TPO: variants seen among roughly 807,000 people sequenced by gnomAD.
TPO encodes the protein thyroid peroxidase.
Under a neutral mutation model 96.9 loss-of-function variants are expected in TPO, and 78 were observed. The observed-to-expected ratio is 0.81, with a 90% confidence interval of 0.67 to 0.97. TPO has a LOEUF of 0.97. Ranked by LOEUF, TPO falls within the 50% of genes least tolerant of loss-of-function variation. TPO has a pLI of 0.00. For missense variants in TPO, 1,252 were observed against 1,274.8 expected (o/e 0.98, Z 0.27); for synonymous variants, 547 against 538.0 (o/e 1.02, Z -0.23).
chr2:1,501,654 T>C (rs1290364949), intron 13 of TPO, among the ~76,000 whole-genome samples: 1 of 152,132 alleles, frequency 6.6e-6, no homozygotes, highest in Non-Finnish European at 1.5e-5. Flanking sequence ...TGCTCCAATG[T>C]GCAGTGCCCT....
In TPO at chr2:1,456,207, C is replaced by T. The variant is rs751646001; in HGVS notation, c.744C>T (p.Thr248=). 1.2e-6 allele frequency: 2 copies of T among 1,614,144 alleles called. 1 individual carries two copies. Among genetic ancestry groups the T allele is most frequent in the South Asian group, 2.2e-5 (2 of 91,086 alleles). The change falls in exon 7 of 17, where the codon ACC becomes ACT. Residue 248 remains threonine, a synonymous_variant. Coordinates refer to ENST00000329066, the MANE Select transcript of TPO (RefSeq NM_001206744.2). ...DHDIAFTPQS[T]SKAAFGGGAD... ...ACATCGCGTTCACACCACAGAGCAC[C>T]AGCAAAGCTGCCTTCGGGGGAGGGG...
At chr2:1,432,686 GGGTGAGGCCTGCAGGTGA>G (rs1665131211) in intron 3 of TPO, among the ~76,000 whole-genome samples, 3 of 82,554 alleles carry the variant, frequency 3.6e-5, no homozygotes, top group African/African-American at 1.1e-4. Flanking sequence ...CCTGCAGGTG[GGGTGAGGCCTGCAGGTGA>G]GGTGAGGCCC....
chr2:1,486,536 GAAAAT>G (rs779962249), intron 9 of TPO, among the ~76,000 whole-genome samples: 12 of 151,976 alleles, frequency 7.9e-5, no homozygotes, highest in South Asian at 2.1e-4. Flanking sequence ...AACTCCATTT[GAAAAT>G]AAAATAAAAT....
Position 1,506,800 on chromosome 2 carries a change from G to A in TPO, c.2518+2721G>A, listed in dbSNP as rs544946156. Among the ~76,000 whole-genome samples, 437 of 152,286 alleles carry A rather than the reference G, an allele frequency of 2.9e-3. 2 individuals carry two copies. The highest frequency in any genetic ancestry group is 4.6e-3 in the Admixed American group (70 of 15,300). On this transcript the variant is annotated intron_variant, in intron 14 of 16. Coordinates refer to ENST00000329066, the MANE Select transcript of TPO (RefSeq NM_001206744.2). ...TGGATATTAGCCCTTTGTCAAATGA[G>A]TAGGTTGCAAAAATTTTCTCCCATT...
chr2:1,438,592 C>CCCACGTCCCTCCT (rs1490887019), intron 5 of TPO, among the ~76,000 whole-genome samples: 1 of 150,418 alleles, frequency 6.6e-6, no homozygotes, highest in African/African-American at 2.4e-5. Flanking sequence ...CCCACCCTGC[C>CCCACGTCCCTCCT]CCACGTCCCT....
intron 7 of TPO, among the ~76,000 whole-genome samples, chr2:1,475,126 G>T (rs2148664054): frequency 6.6e-6 from 1 of 152,326 alleles, no homozygotes; most frequent in Admixed American, 6.5e-5. Flanking sequence ...CTTCTTAAGA[G>T]TCTCTTTGAA....
intron 5 of TPO, among the ~76,000 whole-genome samples, chr2:1,446,004 T>C (rs529448317): frequency 1.2e-4 from 19 of 152,324 alleles, no homozygotes; most frequent in African/African-American, 4.6e-4. Context: ...TCCATCGCCA[T>C]AGTGACCATG....
chr2:1,456,164 G>T lies in TPO; in HGVS notation c.701G>T (p.Gly234Val), dbSNP rs142555653. 2 of 1,613,952 alleles carry T rather than the reference G, an allele frequency of 1.2e-6. No individual in the cohort carries two copies. The highest frequency in any genetic ancestry group is 1.7e-6 in the Non-Finnish European group (2 of 1,180,048). ...DRYSDLLMAW[G>V]QYIDHDIAFT... ...TATTCTGACCTCCTGATGGCATGGGGACAATACATCGACCACGACATCGCG... is the reference window on the plus strand; with the variant it reads ...TATTCTGACCTCCTGATGGCATGGGTACAATACATCGACCACGACATCGCG... Residue 234 changes from glycine to valine, a missense_variant, in exon 7 of 17, where the codon GGA becomes GTA. Coordinates refer to ENST00000329066, the MANE Select transcript of TPO (RefSeq NM_001206744.2).
intron 14 of TPO, among the ~76,000 whole-genome samples, chr2:1,516,489 G>A (rs754549149): frequency 1.3e-5 from 2 of 152,174 alleles, no homozygotes; most frequent in African/African-American, 4.8e-5. Context: ...CCCACCTTGC[G>A]AACCTTTCCC....
intron 12 of TPO, 90 bp from the exon 13 acceptor site, chr2:1,496,505 A>G (rs1402421864): frequency 1.8e-5 from 28 of 1,573,270 alleles, no homozygotes; most frequent in Non-Finnish European, 2.4e-5. Flanking sequence ...CAGCCCCTCC[A>G]GGGCACAAGC....
chr2:1,493,225 G>T, intron 10 of TPO, among the ~76,000 whole-genome samples: 1 of 145,738 alleles, frequency 6.9e-6, no homozygotes, highest in African/African-American at 2.5e-5. Flanking sequence ...GGGGGGTGCT[G>T]GCTTCTGTGT....
chr2:1,383,033 T>C (rs1661833851), intron 1 of TPO, among the ~76,000 whole-genome samples: 1 of 152,086 alleles, frequency 6.6e-6, no homozygotes, highest in Admixed American at 6.5e-5. Context: ...GCTTCATCCA[T>C]GTCCCTACAA....
chr2:1,476,097 A>C (rs548329147), intron 7 of TPO, among the ~76,000 whole-genome samples: 3 of 151,664 alleles, frequency 2.0e-5, no homozygotes, highest in South Asian at 4.2e-4. Flanking sequence ...GTTCCTTCCT[A>C]CTCCTCAGTG....
In TPO at chr2:1,489,990, A is replaced by G. The variant is rs9973911; in HGVS notation, c.1768+1999A>G. On this transcript the variant is annotated intron_variant, in intron 10 of 16. Coordinates refer to ENST00000329066, the MANE Select transcript of TPO (RefSeq NM_001206744.2). ...ACGTGGGTCCCACACAGGGGGAGTC[A>G]CGACACAGCAGTGTAAGAGCCGCCA... Among the ~76,000 whole-genome samples, 810 of 113,584 alleles carry G rather than the reference A, an allele frequency of 7.1e-3. 12 individuals are homozygous for G. Among genetic ancestry groups the G allele is most frequent in the African/African-American group, 0.019 (562 of 29,584 alleles). The allele number at this position is 113,584 out of a possible 152,430, so 74.5% of individuals were successfully genotyped here. A position where few individuals can be genotyped will look rare whatever the true frequency, so the allele number is the denominator to read the frequency against.
chr2:1,426,328 C>T (rs573353164), intron 3 of TPO, among the ~76,000 whole-genome samples: 2 of 143,202 alleles, frequency 1.4e-5, no homozygotes, highest in East Asian at 2.1e-4. Flanking sequence ...GAGATGAGTT[C>T]GATCATTTCA....
chr2:1,510,205 A>T (rs778763949), intron 14 of TPO, among the ~76,000 whole-genome samples: 56 of 152,200 alleles, frequency 3.7e-4, no homozygotes, highest in Non-Finnish European at 7.2e-4. Context: ...TCAGATGTGA[A>T]TTGCAAAGGT....
At chr2:1,527,219 A>G (rs1348849786) in intron 15 of TPO, among the ~76,000 whole-genome samples, 1 of 97,942 alleles carries the variant, frequency 1.0e-5, no homozygotes, top group African/African-American at 4.3e-5. Flanking sequence ...AACTATATGC[A>G]ACCTACTCAA....
chr2:1,457,705 G>A (rs28910578), intron 7 of TPO, among the ~76,000 whole-genome samples: 210 of 152,048 alleles, frequency 1.4e-3, no homozygotes, highest in African/African-American at 4.8e-3. Flanking sequence ...TGTGTACATA[G>A]CATGTATGAT....
chr2:1,380,210 C>A (rs1302966758), intron 1 of TPO, among the ~76,000 whole-genome samples: 1 of 151,896 alleles, frequency 6.6e-6, no homozygotes, highest in African/African-American at 2.4e-5. Flanking sequence ...CTGGCTAATA[C>A]GGTGAAACCC....
Sources: gnomAD v4.1 joint callset for allele counts (sites outside exome capture counted in the v4.1 genomes callset) on GRCh38, gnomAD v4.1.1 for gene constraint, MANE v1.5 for transcripts, NCBI Gene and HGNC (gene_info 2026-07-23, HGNC 2026-07-21) for gene names.